Variants in SLC25A45 observed in about 807,000 individuals in gnomAD.
SLC25A45 encodes the protein methylated amino-acid transporter SLC25A45.
In SLC25A45, 22 loss-of-function variants were observed where a neutral mutation model predicts 23.0. The ratio of observed to expected loss-of-function variants is 0.95; its 90% CI spans 0.68 to 1.36. The LOEUF is 1.36. SLC25A45 is among the 40% of genes most tolerant of loss of function. The pLI is 0.00. For missense variants in SLC25A45, 355 were observed against 383.5 expected (o/e 0.93, Z 0.62); for synonymous variants, 136 against 155.0 (o/e 0.88, Z 0.91).
At chr11:65,379,320 A>G (rs942855220) in intron 5 of SLC25A45, 56 bp downstream of exon 5, 1 of 1,585,466 alleles carries the variant, frequency 6.3e-7, no homozygotes, top group African/African-American at 1.3e-5. Context: ...GGGAGAGGAC[A>G]GATCGAGATG....
intron 2 of SLC25A45, chr11:65,381,683 T>C: frequency 2.0e-6 from 1 of 509,532 alleles, no homozygotes; most frequent in Non-Finnish European, 3.6e-6. Flanking sequence ...TCCTCCTAAG[T>C]AGCTGGGACT....
At position 65,382,432 on chromosome 11, in the gene SLC25A45, G is replaced by A. The variant is rs1277922991; in HGVS notation, c.-19+54C>T. ...GGCCACCAGGGGGTAGGCCCAGCCCGCATTTGCCGCTGCGTGGCAGGGTGG... is the reference window on the plus strand; with the variant it reads ...GGCCACCAGGGGGTAGGCCCAGCCCACATTTGCCGCTGCGTGGCAGGGTGG... On this transcript the variant is annotated intron_variant, in intron 1 of 6. Coordinates refer to ENST00000398802, the MANE Select transcript of SLC25A45 (RefSeq NM_182556.4). This position sits in a 1 kb window ranked among gnomAD's most constrained non-coding sequence, Gnocchi z 4.4. 7 of 188,060 alleles carry A rather than the reference G, an allele frequency of 3.7e-5. No homozygotes were observed. The highest frequency in any genetic ancestry group is 5.7e-5 in the Non-Finnish European group (5 of 87,212). The allele number at this position is 188,060 out of a possible 1,614,324, so 11.6% of individuals were successfully genotyped here.
intron 6 of SLC25A45, 52 bp from the exon 7 acceptor site, chr11:65,376,727 C>T: frequency 6.2e-7 from 1 of 1,613,768 alleles, no homozygotes; most frequent in Non-Finnish European, 8.5e-7. Context: ...AGAGCATCCT[C>T]CCCAGACCCT....
chr11:65,382,510 T>C lies in SLC25A45; in HGVS notation c.-43A>G, dbSNP rs371392535. 1.0e-4 allele frequency: 16 copies of C among 159,202 alleles called. No individual in the cohort carries two copies. In the South Asian group the frequency reaches 2.5e-3, roughly 25 times the overall value. 9.9% of individuals were successfully genotyped at this position (159,202 alleles called of 1,614,324 possible). ...CCAGGCCTGGCTGTTCTCTTCAGGG[T>C]TGTTTACGACTCCCCCGACTCCCCC... On this transcript the variant is annotated 5_prime_UTR_variant, in exon 1 of 7. Transcript: ENST00000398802. The surrounding 1 kb of genome is among the most constrained non-coding windows in gnomAD (Gnocchi z 4.4).
At chr11:65,377,102 C>G in intron 5 of SLC25A45, 26 bp from the exon 6 acceptor site, 1 of 1,602,422 alleles carries the variant, frequency 6.2e-7, no homozygotes, top group Non-Finnish European at 8.5e-7. Flanking sequence ...CATGAGGGCC[C>G]CGGGTGGGGC....
At chr11:65,379,597 G>A (rs368098142) in intron 4 of SLC25A45, 36 bp from the exon 5 acceptor site, 23 of 1,566,906 alleles carry the variant, frequency 1.5e-5, no homozygotes, top group Middle Eastern at 1.7e-4. Context: ...AGTAGGCACC[G>A]TGGGGCCTCC....
chr11:65,380,436 A>G (rs1855487903), intron 2 of SLC25A45: 5 of 1,046,434 alleles, frequency 4.8e-6, no homozygotes, highest in Non-Finnish European at 4.1e-6. Context: ...AAGAGGGAAG[A>G]GCCAGCCAAA....
Position 65,376,981 on chromosome 11 carries a change from CT to C in SLC25A45, c.434del (p.Gln145ArgfsTer26). The C allele has an allele frequency of 1.2e-6, 2 of 1,613,426 alleles. No homozygotes were observed. Among genetic ancestry groups the C allele is most frequent in the South Asian group, 2.2e-5 (2 of 91,024 alleles). On this transcript the variant is annotated frameshift_variant, in exon 6 of 7. Coordinates refer to ENST00000398802, the MANE Select transcript of SLC25A45 (RefSeq NM_182556.4). LOFTEE classifies it high-confidence loss of function. ...TGGAGGCTGCACAGTGCACGGGCCCCTGGTACCGGGGTGGGGGGCTCCCTGG... is the reference window on the plus strand; with the variant it reads ...TGGAGGCTGCACAGTGCACGGGCCCCGGTACCGGGGTGGGGGGCTCCCTGG... ...AQPGSPPPRYQGPVHCAASIF... is the reference protein window; with the variant it reads ...AQPGSPPPRYXGPVHCAASIF...
rs1316785694 is a variant in SLC25A45 at position 65,376,232 on chromosome 11, G to A, written c.*175C>T. ...CACAGGGAGGCTGCACAGGCCCCCT[G>A]GCTTCCGGCTCCCACAGGTGTCTGC... On this transcript the variant is annotated 3_prime_UTR_variant, in exon 7 of 7. Transcript: ENST00000398802. The A allele has an allele frequency of 5.0e-5, 34 of 677,296 alleles. No individual in the cohort carries two copies. Among genetic ancestry groups the A allele is most frequent in the Non-Finnish European group, 6.7e-5 (29 of 430,990 alleles). 42.0% of individuals were successfully genotyped at this position (677,296 alleles called of 1,614,324 possible). A position where few individuals can be genotyped will look rare whatever the true frequency, so the allele number is the denominator to read the frequency against.
rs558305006 is a variant in SLC25A45, at chr11:65,375,834, G to A, written c.*573C>T. On this transcript the variant is annotated 3_prime_UTR_variant, in exon 7 of 7. Coordinates refer to ENST00000398802, the MANE Select transcript of SLC25A45 (RefSeq NM_182556.4). ...TCCCAGCACTTTGAGAGGCCGACGC[G>A]GGCGGATCACAAAGTCAGGAGATCA... 24 of 153,698 alleles carry A rather than the reference G, an allele frequency of 1.6e-4. No individual in the cohort carries two copies. Among genetic ancestry groups the A allele is most frequent in the Non-Finnish European group, 2.9e-4 (20 of 69,144 alleles). 9.5% of individuals were successfully genotyped at this position (153,698 alleles called of 1,614,324 possible).
chr11:65,377,205 C>A, intron 5 of SLC25A45, 129 bp from the exon 6 acceptor site: 1 of 1,446,960 alleles, frequency 6.9e-7, no homozygotes, highest in Non-Finnish European at 9.1e-7. Flanking sequence ...TGCCGGCACC[C>A]AGCCTCTCAC....
In SLC25A45 at chr11:65,382,052, T is replaced by A; in HGVS notation, c.-18-83A>T. The A allele has an allele frequency of 9.5e-7, 1 of 1,048,186 alleles. No homozygotes were observed. Among genetic ancestry groups the A allele is most frequent in the Non-Finnish European group, 1.5e-6 (1 of 668,210 alleles). 64.9% of individuals were successfully genotyped at this position (1,048,186 alleles called of 1,614,324 possible). A position where few individuals can be genotyped will look rare whatever the true frequency, so the allele number is the denominator to read the frequency against. On this transcript the variant is annotated intron_variant, in intron 1 of 6. Coordinates refer to ENST00000398802, the MANE Select transcript of SLC25A45 (RefSeq NM_182556.4). The surrounding 1 kb of genome is among the most constrained non-coding windows in gnomAD (Gnocchi z 4.4). Reference sequence around the variant, plus strand: ...ACGCTGATAACCTCCCACTAATGTTTAACCCTGGCGGGAAGGTGAGAATTG... The same window carrying A: ...ACGCTGATAACCTCCCACTAATGTTAAACCCTGGCGGGAAGGTGAGAATTG...
At position 65,381,969 on chromosome 11, in the gene SLC25A45, ACTGGTGGCT is replaced by A; in HGVS notation, c.-18-9_-18-1del. ...ACCGGCATTGTCTGGGCTTGCGGGA[ACTGGTGGCT>A]CCAGCAGAGGAGACAGAGTTGAATT... is the stretch of plus-strand genomic sequence containing the variant. On this transcript the variant is annotated splice_acceptor_variant and splice_polypyrimidine_tract_variant and intron_variant, in intron 1 of 6. Transcript: ENST00000398802. LOFTEE classifies it low-confidence loss of function (5UTR_SPLICE). The A allele has an allele frequency of 6.2e-7, 1 of 1,612,344 alleles. No individual in the cohort carries two copies.
chr11:65,382,334 A>C lies in SLC25A45; in HGVS notation c.-19+152T>G. On this transcript the variant is annotated intron_variant, in intron 1 of 6. Transcript: ENST00000398802. The surrounding 1 kb of genome is among the most constrained non-coding windows in gnomAD (Gnocchi z 4.4). ...CTGCCTGCCCAGCCAGCCCAGCTCCACTCCCATTCATCTCCACCAAGGGGC... is the reference window on the plus strand; with the variant it reads ...CTGCCTGCCCAGCCAGCCCAGCTCCCCTCCCATTCATCTCCACCAAGGGGC... 3.8e-6 allele frequency: 1 copy of C among 263,274 alleles called. No individual in the cohort carries two copies. Among genetic ancestry groups the C allele is most frequent in the Non-Finnish European group, 7.6e-6 (1 of 131,146 alleles). The allele number at this position is 263,274 out of a possible 1,614,324, so 16.3% of individuals were successfully genotyped here.
chr11:65,382,212 A>G lies in SLC25A45; in HGVS notation c.-18-243T>C. 1 of 544,520 alleles carries G rather than the reference A, an allele frequency of 1.8e-6. No homozygotes were observed. The highest frequency in any genetic ancestry group is 3.3e-6 in the Non-Finnish European group (1 of 300,864). The allele number at this position is 544,520 out of a possible 1,614,324, so 33.7% of individuals were successfully genotyped here. On this transcript the variant is annotated intron_variant, in intron 1 of 6. Coordinates refer to ENST00000398802, the MANE Select transcript of SLC25A45 (RefSeq NM_182556.4). The surrounding 1 kb of genome is among the most constrained non-coding windows in gnomAD (Gnocchi z 4.4). ...GGGACCACAGAGGCCCTGATCCCCG[A>G]GCCCGGCCAATGATCCTCGCTCTGA...
In SLC25A45 at chr11:65,379,429, G is replaced by T. The variant is rs1368803647; in HGVS notation, c.286C>A (p.Pro96Thr). ...ATSHQERRAQ[P>T]PSYMHIFLAG... ...AGGAAGATGTGCATGTAGCTGGGCGGCTGGGCCCGCCGCTCCTGGTGGGAG... is the reference window on the plus strand; with the variant it reads ...AGGAAGATGTGCATGTAGCTGGGCGTCTGGGCCCGCCGCTCCTGGTGGGAG... Residue 96 changes from proline to threonine, a missense_variant, in exon 5 of 7, where the codon CCG becomes ACG. Pro to Thr is a conservative substitution (Grantham distance 38). Transcript: ENST00000398802. 6.2e-7 allele frequency: 1 copy of T among 1,613,006 alleles called. No individual in the cohort carries two copies. Among genetic ancestry groups the T allele is most frequent in the African/African-American group, 1.3e-5 (1 of 74,910 alleles).
At chr11:65,381,993 A>G in intron 1 of SLC25A45, 24 bp from the exon 2 acceptor site, 1 of 1,546,780 alleles carries the variant, frequency 6.5e-7, no homozygotes, top group Non-Finnish European at 8.9e-7. Context: ...CAGAGGAGAC[A>G]GAGTTGAATT....
At chr11:65,381,553 CCT>C (rs1186916842) in intron 2 of SLC25A45, 1 of 264,338 alleles carries the variant, frequency 3.8e-6, no homozygotes, top group Non-Finnish European at 7.4e-6. Context: ...GCCACCATGC[CCT>C]GATTCTTTTT....
intron 5 of SLC25A45, chr11:65,378,396 G>A (rs1314667773): frequency 6.6e-6 from 1 of 152,222 alleles, no homozygotes; most frequent in Non-Finnish European, 1.5e-5. Flanking sequence ...GGCTCCATCA[G>A]CGGCCCTCAC....
Sources: gnomAD v4.1 joint callset for allele counts on GRCh38, gnomAD v4.1.1 for gene constraint, Gnocchi (gnomAD v3.1) non-coding constraint, MANE v1.5 for transcripts, NCBI Gene and HGNC (gene_info 2026-07-23, HGNC 2026-07-21) for gene names.